Variants in BRINP1 observed in about 807,000 individuals in gnomAD.
BRINP1 encodes BMP/retinoic acid inducible neural specific 1, also known as BMP/retinoic acid-inducible neural-specific protein 1.
In BRINP1, 17 loss-of-function variants were observed where a neutral mutation model predicts 72.9. That is an observed-to-expected ratio of 0.23 (90% CI 0.16 to 0.35). BRINP1 has a LOEUF of 0.35. Among genes scored for constraint, BRINP1 ranks in the 10% least tolerant of loss-of-function variants. The probability of loss-of-function intolerance (pLI) is 1.00; values close to 1 mark genes in which losing one functional copy is unlikely to be tolerated. For synonymous variants in BRINP1, 418 were observed against 378.5 expected (o/e 1.10, Z -1.21); for missense variants, 850 against 1,001.6 (o/e 0.85, Z 2.04).
intron 2 of BRINP1, among the ~76,000 whole-genome samples, chr9:119,312,589 G>A (rs1260091135): frequency 6.6e-6 from 1 of 152,148 alleles, no homozygotes; most frequent in Non-Finnish European, 1.5e-5. Flanking sequence ...CCAAGAACCA[G>A]TACAGACCTG....
chr9:119,221,121 T>C (rs1564220961), intron 5 of BRINP1, among the ~76,000 whole-genome samples: 1 of 152,144 alleles, frequency 6.6e-6, no homozygotes, highest in Non-Finnish European at 1.5e-5. Context: ...TAGTTGAATA[T>C]AAATATTTTT....
At chr9:119,355,544 T>C (rs375531094) in intron 1 of BRINP1, among the ~76,000 whole-genome samples, 349 of 152,134 alleles carry the variant, frequency 2.3e-3, no homozygotes, top group African/African-American at 3.3e-3. Flanking sequence ...CTGGCTAACA[T>C]GGTAAAACCC....
rs1252759546 is a variant in BRINP1 at position 119,168,057 on chromosome 9, A to G, written c.1313T>C (p.Met438Thr). The change falls in exon 8 of 8, where the codon ATG becomes ACG. Residue 438 changes from methionine to threonine, a missense_variant. Physicochemically the swap from Met to Thr is moderately conservative, Grantham distance 81. Transcript: ENST00000265922. ...CVIGGNNSCAMCSLANISLCG... is the reference protein window; with the variant it reads ...CVIGGNNSCATCSLANISLCG... The stretch of plus-strand genomic sequence containing the variant: ...GAGGGAGATGTTGGCCAGGCTGCAC[A>G]TGGCGCAGCTGTTGTTCCCGCCTAT... The G allele has an allele frequency of 6.2e-7, 1 of 1,611,020 alleles. No homozygotes were observed. Among genetic ancestry groups the G allele is most frequent in the Non-Finnish European group, 8.5e-7 (1 of 1,178,112 alleles).
intron 1 of BRINP1, among the ~76,000 whole-genome samples, chr9:119,363,384 G>A (rs1831655586): frequency 6.6e-6 from 1 of 152,144 alleles, no homozygotes; most frequent in Non-Finnish European, 1.5e-5. Flanking sequence ...TTAGAGGCAT[G>A]AGCCACCAAG....
At chr9:119,359,931 A>C (rs576435782) in intron 1 of BRINP1, among the ~76,000 whole-genome samples, 270 of 152,326 alleles carry the variant, frequency 1.8e-3, no homozygotes, top group Non-Finnish European at 3.4e-3. Flanking sequence ...TTATGGATGA[A>C]GATCCTTCCA....
chr9:119,290,463 C>G (rs753632844), intron 2 of BRINP1, among the ~76,000 whole-genome samples: 21 of 152,092 alleles, frequency 1.4e-4, no homozygotes, highest in Non-Finnish European at 2.4e-4. Context: ...AATGATTGTG[C>G]CATTACTGGG....
intron 1 of BRINP1, among the ~76,000 whole-genome samples, chr9:119,328,819 C>A (rs1014241218): frequency 6.6e-6 from 1 of 152,118 alleles, no homozygotes; most frequent in East Asian, 1.9e-4. Flanking sequence ...AAAAAGACTT[C>A]TCAGGGGAGC....
intron 6 of BRINP1, chr9:119,213,472 A>C: frequency 1.1e-5 from 2 of 185,296 alleles, no homozygotes; most frequent in East Asian, 1.4e-4. Context: ...CTATATCTCT[A>C]TGCATATGCA....
intron 1 of BRINP1, among the ~76,000 whole-genome samples, chr9:119,333,139 TG>T (rs1266088393): frequency 1.3e-5 from 2 of 151,758 alleles, no homozygotes; most frequent in African/African-American, 4.8e-5. Flanking sequence ...TAGTGTGGCT[TG>T]TGAGTCTCAA....
Position 119,313,118 on chromosome 9 carries a change from C to G in BRINP1, c.218+20G>C. On this transcript the variant is annotated intron_variant, in intron 2 of 7. Transcript: ENST00000265922. Reference sequence around the variant, plus strand: ...GCATAATATGAATGTAAGGCAAGGGCTATTTAGCCCAGGTCTTACCTGTAT... The same window carrying G: ...GCATAATATGAATGTAAGGCAAGGGGTATTTAGCCCAGGTCTTACCTGTAT... 1 of 1,610,442 alleles carries G rather than the reference C, an allele frequency of 6.2e-7. No homozygotes were observed. The highest frequency in any genetic ancestry group is 1.1e-5 in the South Asian group (1 of 90,584).
At chr9:119,351,293 C>T (rs1831505626) in intron 1 of BRINP1, among the ~76,000 whole-genome samples, 1 of 152,166 alleles carries the variant, frequency 6.6e-6, no homozygotes, top group Non-Finnish European at 1.5e-5. Context: ...CACAGAGCTG[C>T]CCTGATACGA....
chr9:119,369,118 G>A lies in BRINP1; in HGVS notation c.-113C>T. ...AGGACGCTTTTTATTCGGCTCGGTG[G>A]GAACTTGGGAGAGCCCTGCGTGCAG... On this transcript the variant is annotated 5_prime_UTR_variant, in exon 1 of 8. Transcript: ENST00000265922. 1 of 398,164 alleles carries A rather than the reference G, an allele frequency of 2.5e-6. No homozygotes were observed. Among genetic ancestry groups the A allele is most frequent in the Non-Finnish European group, 4.4e-6 (1 of 225,768 alleles). The allele number at this position is 398,164 out of a possible 1,614,324, so 24.7% of individuals were successfully genotyped here.
Position 119,357,545 on chromosome 9 carries a change from C to A in BRINP1, c.-51+11511G>T, listed in dbSNP as rs527956774. On this transcript the variant is annotated intron_variant, in intron 1 of 7. Coordinates refer to ENST00000265922, the MANE Select transcript of BRINP1 (RefSeq NM_014618.3). ...AAGCATGCTAAGCTAAGATTTCCTG[C>A]CGAGGCACTGTGAAGTTAAATTACT... 3.7e-4 allele frequency among the ~76,000 whole-genome samples: 56 copies of A among 152,260 alleles called. No individual in the cohort carries two copies. In the South Asian group the frequency reaches 0.012, roughly 32 times the overall value.
At chr9:119,362,808 T>A (rs752304336) in intron 1 of BRINP1, among the ~76,000 whole-genome samples, 3 of 152,328 alleles carry the variant, frequency 2.0e-5, no homozygotes, top group East Asian at 1.9e-4. Flanking sequence ...TAGAAATTAC[T>A]GATTAAAAAT....
At chr9:119,260,759 G>A (rs1361533260) in intron 2 of BRINP1, among the ~76,000 whole-genome samples, 2 of 152,102 alleles carry the variant, frequency 1.3e-5, no homozygotes, top group Non-Finnish European at 2.9e-5. Flanking sequence ...GTTTTAAGTG[G>A]AATTTATAAT....
intron 2 of BRINP1, among the ~76,000 whole-genome samples, chr9:119,262,295 T>A (rs1360274153): frequency 2.6e-5 from 4 of 152,108 alleles, no homozygotes; most frequent in Non-Finnish European, 4.4e-5. Flanking sequence ...TATTTCTTAC[T>A]TACTTCCTGT....
At chr9:119,210,415 A>C (rs186661011) in intron 6 of BRINP1, among the ~76,000 whole-genome samples, 3 of 152,362 alleles carry the variant, frequency 2.0e-5, no homozygotes, top group Non-Finnish European at 4.4e-5. Flanking sequence ...GGCACCAGGC[A>C]CAGTCCTAAT....
chr9:119,228,831 C>G (rs1830120039), intron 5 of BRINP1, among the ~76,000 whole-genome samples: 1 of 152,034 alleles, frequency 6.6e-6, no homozygotes, highest in African/African-American at 2.4e-5. Flanking sequence ...GAATTTGGGA[C>G]CCCACGAATG....
chr9:119,331,910 T>A (rs898140266), intron 1 of BRINP1, among the ~76,000 whole-genome samples: 1 of 152,216 alleles, frequency 6.6e-6, no homozygotes, highest in Non-Finnish European at 1.5e-5. Flanking sequence ...TGTATAGGGA[T>A]CTGCACTTTT....
Sources: gnomAD v4.1 joint callset for allele counts (sites outside exome capture counted in the v4.1 genomes callset) on GRCh38, gnomAD v4.1.1 for gene constraint, MANE v1.5 for transcripts, NCBI Gene and HGNC (gene_info 2026-07-23, HGNC 2026-07-21) for gene names.